The following THUMPD3 variants were observed in gnomAD, a reference collection of about 807,000 sequenced individuals.
The protein encoded by THUMPD3 is THUMP domain 3 tRNA guanosine methyltransferase.
Under a neutral mutation model 54.5 loss-of-function variants are expected in THUMPD3, and 44 were observed. That is an observed-to-expected ratio of 0.81 (90% CI 0.63 to 1.04). The LOEUF (loss-of-function observed/expected upper bound fraction) is 1.04. Among genes scored for constraint, THUMPD3 ranks in the 50% least tolerant of loss-of-function variants. The probability of loss-of-function intolerance (pLI) is 0.00; values close to 1 mark genes in which losing one functional copy is unlikely to be tolerated. For missense variants in THUMPD3, 604 were observed against 601.3 expected (o/e 1.00, Z -0.05); for synonymous variants, 196 against 201.4 (o/e 0.97, Z 0.23).
chr3:9,383,796 G>A (rs2033109787), intron 8 of THUMPD3, among the ~76,000 whole-genome samples: 1 of 152,038 alleles, frequency 6.6e-6, no homozygotes, highest in South Asian at 2.1e-4. Context: ...GCTTATTTTT[G>A]TATTTTTAAA....
In THUMPD3 at chr3:9,385,710, G is replaced by C. The variant is rs1267942740; in HGVS notation, c.*1022G>C. ...AATTGTTTTTCTTTCAGTACACTAA[G>C]GTGTGTGTTTTCAAAACCAAACACA... On this transcript the variant is annotated 3_prime_UTR_variant, in exon 10 of 10. Coordinates refer to ENST00000452837, the MANE Select transcript of THUMPD3 (RefSeq NM_001114092.2). The C allele has an allele frequency of 6.6e-6, 1 of 152,164 alleles. No homozygotes were observed. Among genetic ancestry groups the C allele is most frequent in the Non-Finnish European group, 1.5e-5 (1 of 68,030 alleles). 9.4% of individuals were successfully genotyped at this position (152,164 alleles called of 1,614,324 possible).
Position 9,374,657 on chromosome 3 carries a change from G to T in THUMPD3, c.938+11G>T. ...CTATGGGATGCTCAGGTAAGAAAAT[G>T]AGTTTGCCATCCAGCTTAAAGTGGC... On this transcript the variant is annotated intron_variant, in intron 5 of 9. Coordinates refer to ENST00000452837, the MANE Select transcript of THUMPD3 (RefSeq NM_001114092.2). The T allele has an allele frequency of 6.2e-7, 1 of 1,612,612 alleles. No homozygotes were observed. The highest frequency in any genetic ancestry group is 1.1e-5 in the South Asian group (1 of 90,906).
chr3:9,370,929 GT>G, intron 3 of THUMPD3, 130 bp from the exon 4 acceptor site: 1 of 742,872 alleles, frequency 1.3e-6, no homozygotes, highest in Non-Finnish European at 2.2e-6. Context: ...GCATCTTTGG[GT>G]TTTGGTGTCT....
chr3:9,375,291 A>G (rs1410236103), intron 5 of THUMPD3, among the ~76,000 whole-genome samples: 4 of 152,242 alleles, frequency 2.6e-5, no homozygotes, highest in Non-Finnish European at 5.9e-5. Flanking sequence ...AGTGAAAAAG[A>G]TGAAAGCAGA....
chr3:9,363,475 G>A (rs1254520501), intron 1 of THUMPD3: 1 of 152,154 alleles, frequency 6.6e-6, no homozygotes, highest in Non-Finnish European at 1.5e-5. Context: ...GGGAACTGAC[G>A]TAGTGTTAAA....
intron 5 of THUMPD3, 73 bp from the exon 6 acceptor site, chr3:9,377,746 G>A: frequency 8.3e-7 from 1 of 1,203,046 alleles, no homozygotes; most frequent in Non-Finnish European, 1.2e-6. Flanking sequence ...CAATCTTAAA[G>A]CTTCAGGAAT....
rs2125329604 is a variant in THUMPD3, at chr3:9,380,491, C to T, written c.1009-12C>T. 1 of 1,567,040 alleles carries T rather than the reference C, an allele frequency of 6.4e-7. No individual in the cohort carries two copies. Among genetic ancestry groups the T allele is most frequent in the Non-Finnish European group, 8.7e-7 (1 of 1,142,980 alleles). On this transcript the variant is annotated splice_polypyrimidine_tract_variant and intron_variant, in intron 6 of 9. Coordinates refer to ENST00000452837, the MANE Select transcript of THUMPD3 (RefSeq NM_001114092.2). ...TGCTACTTTTGTTTTAACATACACT[C>T]TTATCTTTTAGGGGGCCACTGAATG...
chr3:9,371,237 A>G lies in THUMPD3; in HGVS notation c.508A>G (p.Asn170Asp). ...ACAAGAAGTCAAAATCGATCAGAGA[A>G]ATGTTAAAAAAGAGTTCACTAGCCA... is the stretch of plus-strand genomic sequence containing the variant. ...NGQEVKIDQR[N>D]VKKEFTSHAL... The change falls in exon 4 of 10, where the codon AAT becomes GAT. Residue 170 changes from asparagine to aspartate, a missense_variant. Asn to Asp is a conservative substitution (Grantham distance 23). Coordinates refer to ENST00000452837, the MANE Select transcript of THUMPD3 (RefSeq NM_001114092.2). The G allele has an allele frequency of 6.2e-7, 1 of 1,611,512 alleles. No individual in the cohort carries two copies. Among genetic ancestry groups the G allele is most frequent in the Non-Finnish European group, 8.5e-7 (1 of 1,179,400 alleles).
intron 3 of THUMPD3, among the ~76,000 whole-genome samples, chr3:9,368,360 A>ATTTT (rs764732133): frequency 2.6e-5 from 3 of 116,910 alleles, no homozygotes; most frequent in African/African-American, 6.5e-5. Flanking sequence ...ACCCGCGCAT[A>ATTTT]TTTTTTTTTT....
intron 4 of THUMPD3, 50 bp from the exon 5 acceptor site, chr3:9,374,466 G>T (rs771200810): frequency 6.3e-7 from 1 of 1,598,828 alleles, no homozygotes; most frequent in African/African-American, 1.3e-5. Flanking sequence ...ATTACTAAGC[G>T]CAGTTTGAAC....
chr3:9,369,636 G>C (rs1043858206), intron 3 of THUMPD3, among the ~76,000 whole-genome samples: 1 of 152,146 alleles, frequency 6.6e-6, no homozygotes, highest in Non-Finnish European at 1.5e-5. Context: ...AATTGGCTGC[G>C]TATACTCCAT....
intron 2 of THUMPD3, among the ~76,000 whole-genome samples, chr3:9,365,985 G>C (rs893190947): frequency 3.3e-5 from 5 of 152,076 alleles, no homozygotes; most frequent in African/African-American, 1.2e-4. Flanking sequence ...CAGATTTTTA[G>C]ATGTGGGCTG....
intron 2 of THUMPD3, 114 bp downstream of exon 2, chr3:9,365,434 C>G: frequency 7.6e-7 from 1 of 1,323,680 alleles, no homozygotes; most frequent in South Asian, 1.4e-5. Context: ...TGCCCCAAAT[C>G]AGGTGATTTT....
chr3:9,367,614 C>T (rs762899459), intron 3 of THUMPD3, among the ~76,000 whole-genome samples: 2 of 152,164 alleles, frequency 1.3e-5, no homozygotes, highest in African/African-American at 2.4e-5. Flanking sequence ...TTTTACGTAT[C>T]TTAGAAATAA....
chr3:9,384,957 T>C lies in THUMPD3; in HGVS notation c.*269T>C. On this transcript the variant is annotated 3_prime_UTR_variant, in exon 10 of 10. Coordinates refer to ENST00000452837, the MANE Select transcript of THUMPD3 (RefSeq NM_001114092.2). ...GGTCCGGAGACCAGCCTGGCCAACA[T>C]GGTGAAACCCTGTCTCTACTAGAAA... 2.9e-6 allele frequency: 1 copy of C among 350,844 alleles called. No individual in the cohort carries two copies. Among genetic ancestry groups the C allele is most frequent in the Non-Finnish European group, 5.4e-6 (1 of 186,914 alleles). 21.7% of individuals were successfully genotyped at this position (350,844 alleles called of 1,614,324 possible). A position where few individuals can be genotyped will look rare whatever the true frequency, so the allele number is the denominator to read the frequency against.
At chr3:9,379,823 G>A (rs2032740648) in intron 6 of THUMPD3, among the ~76,000 whole-genome samples, 1 of 152,014 alleles carries the variant, frequency 6.6e-6, no homozygotes, top group Non-Finnish European at 1.5e-5. Flanking sequence ...CTCTCGAGTA[G>A]CTGAGACTCA....
Position 9,371,204 on chromosome 3 carries a change from A to C in THUMPD3, c.475A>C (p.Asn159His). 6.2e-7 allele frequency: 1 copy of C among 1,610,982 alleles called. No homozygotes were observed. The highest frequency in any genetic ancestry group is 8.5e-7 in the Non-Finnish European group (1 of 1,179,332). Residue 159 changes from asparagine to histidine, a missense_variant, in exon 4 of 10, where the codon AAT becomes CAT. Transcript: ENST00000452837. Reference sequence around the variant, plus strand: ...TCAGAATTCAAGTAAAGAGAAGATTAATAATGGACAAGAAGTCAAAATCGA... The same window carrying C: ...TCAGAATTCAAGTAAAGAGAAGATTCATAATGGACAAGAAGTCAAAATCGA... The part of the protein sequence containing the change: ...INQNSSKEKI[N>H]NGQEVKIDQR...
At position 9,380,595 on chromosome 3, in the gene THUMPD3, G is replaced by T; in HGVS notation, c.1101G>T (p.Leu367Phe). 1.2e-6 allele frequency: 2 copies of T among 1,612,122 alleles called. No homozygotes were observed. The highest frequency in any genetic ancestry group is 1.1e-5 in the South Asian group (1 of 90,682). Residue 367 changes from leucine (L) to phenylalanine (F), a missense_variant, in exon 7 of 10, where the codon TTG (leucine) becomes TTT (phenylalanine). Physicochemically the swap from Leu to Phe is conservative, Grantham distance 22. Transcript: ENST00000452837. The part of the protein sequence containing the change: ...NRAANNIASL[L>F]TKSQIKEGKP... ...CAGCAAATAACATTGCATCTTTATT[G>T]ACCAAGAGCCAAATTAAAGAAGGGT...
chr3:9,368,570 C>A (rs1206494642), intron 3 of THUMPD3, among the ~76,000 whole-genome samples: 1 of 151,974 alleles, frequency 6.6e-6, no homozygotes, highest in Non-Finnish European at 1.5e-5. Flanking sequence ...AGCATCTTGG[C>A]CAGGCTGGTC....
Sources: allele counts gnomAD v4.1 joint callset (sites outside exome capture counted in the v4.1 genomes callset), GRCh38; gene constraint gnomAD v4.1.1; transcripts MANE v1.5; gene names NCBI Gene and HGNC (gene_info 2026-07-23, HGNC 2026-07-21).